Variants in RASSF3 observed in about 807,000 individuals in gnomAD.
RASSF3 encodes the protein Ras association domain family member 3.
RASSF3 carries 19 observed loss-of-function variants against 19.9 expected under a neutral mutation model. That is an observed-to-expected ratio of 0.96 (90% CI 0.67 to 1.40). The LOEUF (loss-of-function observed/expected upper bound fraction) is 1.40, where lower values mean the gene tolerates loss of function less well. Among genes scored for constraint, RASSF3 ranks in the 40% most tolerant of loss-of-function variants. RASSF3 has a pLI of 0.00. For missense variants in RASSF3, 306 were observed against 289.8 expected (o/e 1.06, Z -0.41); for synonymous variants, 110 against 104.2 (o/e 1.06, Z -0.34).
At chr12:64,678,747 A>T (rs561492814) in intron 1 of RASSF3, among the ~76,000 whole-genome samples, 1 of 151,984 alleles carries the variant, frequency 6.6e-6, no homozygotes, top group South Asian at 2.1e-4. Flanking sequence ...AAAGGCAGAA[A>T]GGTGGGGTCC....
chr12:64,571,493 T>G (rs1869518851), intron 2 of RASSF3, among the ~76,000 whole-genome samples: 1 of 152,142 alleles, frequency 6.6e-6, no homozygotes, highest in African/African-American at 2.4e-5. Flanking sequence ...TTCAGTGACA[T>G]CTGTCTGGAG....
chr12:64,562,292 C>T (rs1483156409), intron 2 of RASSF3, among the ~76,000 whole-genome samples: 1 of 152,102 alleles, frequency 6.6e-6, no homozygotes, highest in African/African-American at 2.4e-5. Flanking sequence ...CCGCCCGCCT[C>T]GGCCTCCCAA....
At chr12:64,608,888 T>A (rs1416989518), upstream of RASSF3, among the ~76,000 whole-genome samples, 1 of 152,060 alleles carries the variant, frequency 6.6e-6, no homozygotes, top group Non-Finnish European at 1.5e-5. Context: ...CTATATGGAG[T>A]TAGAATTCCT....
chr12:64,610,791 G>T, intron 1 of RASSF3, 48 bp downstream of exon 1: 1 of 1,322,644 alleles, frequency 7.6e-7, no homozygotes, highest in East Asian at 2.6e-5. Context: ...AGAGTTCCGG[G>T]GAACCCGCCA....
At chr12:64,605,032 CT>C (rs2136148424) in intron 2 of RASSF3, among the ~76,000 whole-genome samples, 1 of 151,530 alleles carries the variant, frequency 6.6e-6, no homozygotes, top group South Asian at 2.1e-4. Flanking sequence ...GTTGCCCAGG[CT>C]GTAGTACAGT....
intron 4 of RASSF3, among the ~76,000 whole-genome samples, chr12:64,693,780 G>A (rs1004914020): frequency 1.9e-4 from 29 of 152,334 alleles, no homozygotes; most frequent in African/African-American, 6.7e-4. Context: ...AGCTGTTAGG[G>A]AAACAAGGCT....
intron 1 of RASSF3, among the ~76,000 whole-genome samples, chr12:64,521,245 G>A (rs957480676): frequency 6.6e-6 from 1 of 152,174 alleles, no homozygotes; most frequent in Non-Finnish European, 1.5e-5. Flanking sequence ...CCCTGTAGCA[G>A]GTGTGCTCCT....
At chr12:64,610,482 G>T (rs1436083037), upstream of RASSF3, 2 of 270,132 alleles carry the variant, frequency 7.4e-6, no homozygotes, top group Non-Finnish European at 1.4e-5. Context: ...GGCAGGAGGG[G>T]CCGGGAGAGC....
intron 1 of RASSF3, among the ~76,000 whole-genome samples, chr12:64,617,238 C>G (rs554815114): frequency 1.1e-4 from 17 of 152,290 alleles, no homozygotes; most frequent in African/African-American, 3.8e-4. Context: ...TCTGTGATTA[C>G]TGGTTAAGCA....
At chr12:64,678,648 CAA>C (rs767180678) in intron 1 of RASSF3, among the ~76,000 whole-genome samples, 7 of 90,906 alleles carry the variant, frequency 7.7e-5, no homozygotes, top group South Asian at 4.5e-4. Flanking sequence ...TCCGTAATAC[CAA>C]AAAAAAAAAA....
chr12:64,625,550 G>C (rs1372940307), intron 1 of RASSF3, among the ~76,000 whole-genome samples: 1 of 151,708 alleles, frequency 6.6e-6, no homozygotes, highest in East Asian at 1.9e-4. Flanking sequence ...GACAAATTCC[G>C]CTTCTTCCTG....
intron 1 of RASSF3, among the ~76,000 whole-genome samples, chr12:64,624,476 T>A: frequency 6.6e-6 from 1 of 151,930 alleles, no homozygotes; most frequent in South Asian, 2.1e-4. Context: ...GGTCTCACTA[T>A]GTTGCTCAGT....
intron 2 of RASSF3, among the ~76,000 whole-genome samples, chr12:64,552,009 G>A (rs1190050784): frequency 2.6e-5 from 4 of 152,140 alleles, no homozygotes; most frequent in African/African-American, 9.7e-5. Flanking sequence ...AAAACCCCTG[G>A]GGTTTGTTGG....
chr12:64,526,820 A>C (rs1446308776), intron 1 of RASSF3, among the ~76,000 whole-genome samples: 1 of 152,236 alleles, frequency 6.6e-6, no homozygotes, highest in African/African-American at 2.4e-5. Context: ...TGCTAGGATT[A>C]CAGGCGTGAG....
At chr12:64,690,655 A>T (rs1016641075) in intron 3 of RASSF3, among the ~76,000 whole-genome samples, 1 of 144,930 alleles carries the variant, frequency 6.9e-6, no homozygotes, top group Non-Finnish European at 1.5e-5. Context: ...AGAAAAAAAA[A>T]TTTTTTTTTT....
intron 1 of RASSF3, among the ~76,000 whole-genome samples, chr12:64,649,654 C>G (rs1871869226): frequency 6.6e-6 from 1 of 152,192 alleles, no homozygotes; most frequent in Non-Finnish European, 1.5e-5. Context: ...GTCTCGATAG[C>G]CAAGTTATCA....
intron 2 of RASSF3, among the ~76,000 whole-genome samples, chr12:64,551,346 G>C (rs762318671): frequency 1.3e-5 from 2 of 152,122 alleles, no homozygotes; most frequent in Non-Finnish European, 1.5e-5. Flanking sequence ...AGGCTGAGGC[G>C]AGTGGATCAC....
At chr12:64,587,372 T>A (rs1869831260) in intron 2 of RASSF3, among the ~76,000 whole-genome samples, 1 of 152,116 alleles carries the variant, frequency 6.6e-6, no homozygotes, top group Admixed American at 6.6e-5. Flanking sequence ...TCCTCACTTT[T>A]TAATTTGTGA....
chr12:64,595,980 T>C (rs1869993612), intron 2 of RASSF3, among the ~76,000 whole-genome samples: 1 of 152,170 alleles, frequency 6.6e-6, no homozygotes, highest in East Asian at 1.9e-4. Context: ...TTGTAAAAGC[T>C]ATCCATAAAG....
Sources: allele counts gnomAD v4.1 joint callset (sites outside exome capture counted in the v4.1 genomes callset), GRCh38; gene constraint gnomAD v4.1.1; transcripts MANE v1.5; gene names NCBI Gene and HGNC (gene_info 2026-07-23, HGNC 2026-07-21).